The following ARHGAP24 variants were observed in gnomAD, a reference collection of about 807,000 sequenced individuals.
ARHGAP24 encodes Rho GTPase activating protein 24.
In ARHGAP24, 50 loss-of-function variants were observed where a neutral mutation model predicts 76.4. The observed-to-expected ratio is 0.65, with a 90% CI of 0.52 to 0.83. The LOEUF (loss-of-function observed/expected upper bound fraction) is 0.83. Among genes scored for constraint, ARHGAP24 ranks in the 40% least tolerant of loss-of-function variants. The pLI, the probability that ARHGAP24 is intolerant of heterozygous loss-of-function variation, is 0.00. For synonymous variants in ARHGAP24, 345 were observed against 323.3 expected (o/e 1.07, Z -0.72); for missense variants, 930 against 914.2 (o/e 1.02, Z -0.22).
Position 85,995,594 on chromosome 4 carries a change from T to C in ARHGAP24, c.1940T>C (p.Leu647Ser). The C allele has an allele frequency of 6.2e-7, 1 of 1,613,998 alleles. No homozygotes were observed. Among genetic ancestry groups the C allele is most frequent in the Non-Finnish European group, 8.5e-7 (1 of 1,179,996 alleles). Residue 647 changes from leucine (L) to serine (S), a missense_variant, in exon 9 of 10, where the codon TTA becomes TCA. Coordinates refer to ENST00000395184, the MANE Select transcript of ARHGAP24 (RefSeq NM_001025616.3). ...AGCAACCACAGTGCACTGCACAGTT[T>C]AGTTTCCAGCCTGAAACAGGAAATG... ...SSSNHSALHSLVSSLKQEMTK... is the reference protein window; with the variant it reads ...SSSNHSALHSSVSSLKQEMTK...
Position 85,538,992 on chromosome 4 carries a change from T to C in ARHGAP24, c.-20-31530T>C, listed in dbSNP as rs557531415. Reference sequence around the variant, plus strand: ...GTTTCCACTTTTCTGCTAATGTACATTTAATTAATACTGTCATTGAATTCA... The same window carrying C: ...GTTTCCACTTTTCTGCTAATGTACACTTAATTAATACTGTCATTGAATTCA... On this transcript the variant is annotated intron_variant, in intron 1 of 9. Coordinates refer to ENST00000395184, the MANE Select transcript of ARHGAP24 (RefSeq NM_001025616.3). Among the ~76,000 whole-genome samples, 16 of 152,326 alleles carry C rather than the reference T, an allele frequency of 1.1e-4. No individual in the cohort carries two copies. The East Asian group carries it at 3.1e-3, about 29-fold the overall frequency.
chr4:85,733,492 A>G (rs923149898), intron 3 of ARHGAP24, among the ~76,000 whole-genome samples: 8 of 152,178 alleles, frequency 5.3e-5, no homozygotes, highest in African/African-American at 1.9e-4. Flanking sequence ...TTTTTAAAAT[A>G]ACATTTTCTG....
intron 1 of ARHGAP24, among the ~76,000 whole-genome samples, chr4:85,556,025 C>T (rs1726347283): frequency 6.6e-6 from 1 of 152,036 alleles, no homozygotes; most frequent in Admixed American, 6.5e-5. Context: ...TTTTGGTTGC[C>T]TCTGGAAGCT....
At chr4:85,878,163 A>G (rs1733039410) in intron 3 of ARHGAP24, among the ~76,000 whole-genome samples, 1 of 152,156 alleles carries the variant, frequency 6.6e-6, no homozygotes, top group Admixed American at 6.5e-5. Flanking sequence ...TAGATAGAAA[A>G]ACAGAGAGTT....
intron 2 of ARHGAP24, among the ~76,000 whole-genome samples, chr4:85,677,391 T>C (rs954847434): frequency 6.6e-6 from 1 of 152,240 alleles, no homozygotes; most frequent in Non-Finnish European, 1.5e-5. Context: ...ACCTCCCTGC[T>C]GTCCCTTAGA....
At chr4:85,549,318 T>C (rs944909582) in intron 1 of ARHGAP24, among the ~76,000 whole-genome samples, 9 of 150,948 alleles carry the variant, frequency 6.0e-5, no homozygotes, top group African/African-American at 2.2e-4. Flanking sequence ...CAACATTTGG[T>C]ATTGTCAGTC....
At chr4:85,666,189 G>A (rs1000829902) in intron 2 of ARHGAP24, among the ~76,000 whole-genome samples, 4 of 152,264 alleles carry the variant, frequency 2.6e-5, no homozygotes, top group South Asian at 2.1e-4. Flanking sequence ...ACATAGTCCT[G>A]TATTTCTTGG....
intron 2 of ARHGAP24, among the ~76,000 whole-genome samples, chr4:85,715,489 G>A (rs1724699106): frequency 6.6e-6 from 1 of 152,008 alleles, no homozygotes; most frequent in Admixed American, 6.6e-5. Context: ...CATGAAGTAG[G>A]ATCTATTTTT....
chr4:85,640,666 AG>A (rs1374545259), intron 2 of ARHGAP24, among the ~76,000 whole-genome samples: 2 of 152,196 alleles, frequency 1.3e-5, no homozygotes, highest in Non-Finnish European at 2.9e-5. Context: ...TTGCCCTCAA[AG>A]GATTTATAAT....
At chr4:85,993,825 C>G (rs564979046) in intron 8 of ARHGAP24, among the ~76,000 whole-genome samples, 1 of 152,122 alleles carries the variant, frequency 6.6e-6, no homozygotes, top group South Asian at 2.1e-4. Flanking sequence ...CCTTGCTGCT[C>G]TTACTGAGAT....
chr4:85,641,761 C>T (rs766240803), intron 2 of ARHGAP24, among the ~76,000 whole-genome samples: 4 of 152,134 alleles, frequency 2.6e-5, no homozygotes, highest in Non-Finnish European at 5.9e-5. Context: ...CAGATAAAGA[C>T]ATGCATAGGG....
chr4:85,687,664 A>G (rs1723477557), intron 2 of ARHGAP24, among the ~76,000 whole-genome samples: 1 of 152,168 alleles, frequency 6.6e-6, no homozygotes, highest in Admixed American at 6.5e-5. Flanking sequence ...TTCAGCATTA[A>G]TGGACACCTA....
Position 85,929,197 on chromosome 4 carries a change from A to G in ARHGAP24, c.391+5427A>G, listed in dbSNP as rs11946063. ...CTCTGTCTTCGTGGTGCTGAGTTAC[A>G]CTTTGTGGTTCTTTATTTTCTTAGC... On this transcript the variant is annotated intron_variant, in intron 4 of 9. Transcript: ENST00000395184. Among the ~76,000 whole-genome samples, 1,226 of 152,260 alleles carry G rather than the reference A, an allele frequency of 8.1e-3. 15 individuals carry two copies. The highest frequency in any genetic ancestry group is 0.028 in the African/African-American group (1,144 of 41,528).
intron 3 of ARHGAP24, among the ~76,000 whole-genome samples, chr4:85,828,998 T>C (rs944531564): frequency 2.0e-5 from 3 of 152,108 alleles, no homozygotes; most frequent in Non-Finnish European, 4.4e-5. Context: ...GGAATAATTA[T>C]GAGGGAATAC....
chr4:85,874,223 C>T lies in ARHGAP24; in HGVS notation c.269-49425C>T, dbSNP rs545360792. On this transcript the variant is annotated intron_variant, in intron 3 of 9. Transcript: ENST00000395184. ...TTAGCATAACCATCAGTCAGTCCTT[C>T]GCAGCTTTGAATCTTGGGCTCATAC... Among the ~76,000 whole-genome samples the T allele has an allele frequency of 1.4e-4, 22 of 152,274 alleles. No homozygotes were observed. The East Asian group carries it at 3.1e-3, about 21-fold the overall frequency.
At chr4:85,668,492 A>T (rs79340894) in intron 2 of ARHGAP24, among the ~76,000 whole-genome samples, 356 of 152,346 alleles carry the variant, frequency 2.3e-3, no homozygotes, top group African/African-American at 8.3e-3. Flanking sequence ...TTAAAGTGTT[A>T]TATAAACACT....
At chr4:85,998,951 G>A (rs1315100969) in intron 9 of ARHGAP24, among the ~76,000 whole-genome samples, 1 of 152,022 alleles carries the variant, frequency 6.6e-6, no homozygotes, top group Admixed American at 6.6e-5. Flanking sequence ...TCTATATTTC[G>A]GTTTCTTCCT....
chr4:85,712,406 T>A (rs1004189072), intron 2 of ARHGAP24, among the ~76,000 whole-genome samples: 2 of 152,184 alleles, frequency 1.3e-5, no homozygotes, highest in African/African-American at 4.8e-5. Context: ...CAGGCTCCTT[T>A]CTAGGTCATT....
chr4:85,703,237 G>C (rs1371017903), intron 2 of ARHGAP24, among the ~76,000 whole-genome samples: 1 of 152,122 alleles, frequency 6.6e-6, no homozygotes, highest in African/African-American at 2.4e-5. Context: ...CATTTAGTCA[G>C]CTTCCCATTC....
Sources: allele counts gnomAD v4.1 joint callset (sites outside exome capture counted in the v4.1 genomes callset), GRCh38; gene constraint gnomAD v4.1.1; transcripts MANE v1.5; gene names NCBI Gene and HGNC (gene_info 2026-07-23, HGNC 2026-07-21).